Variants in LYPLAL1 observed in about 807,000 individuals in gnomAD.
LYPLAL1 encodes the protein lysophospholipase-like protein 1.
In LYPLAL1, 23 loss-of-function variants were observed where a neutral mutation model predicts 19.7. The observed-to-expected ratio is 1.17, with a 90% CI of 0.84 to 1.65. The LOEUF is 1.65. LYPLAL1 is among the 40% of genes most tolerant of loss of function. The pLI, the probability that LYPLAL1 is intolerant of heterozygous loss-of-function variation, is 0.00. For missense variants in LYPLAL1, 355 were observed against 279.4 expected (o/e 1.27, Z -1.93); for synonymous variants, 119 against 96.3 (o/e 1.24, Z -1.38).
chr1:219,421,169 T>C, the LYPLAL1 span, among the ~76,000 whole-genome samples: 2 of 152,200 alleles, frequency 1.3e-5, no homozygotes, highest in Admixed American at 6.5e-5. Flanking sequence ...AACCTTTTAA[T>C]AATGATTTTG....
chr1:219,419,592 C>CAGAGAGAG, the LYPLAL1 span, among the ~76,000 whole-genome samples: 291 of 62,756 alleles, frequency 4.6e-3, 2 homozygotes, highest in African/African-American at 0.012. Flanking sequence ...CACACACACA[C>CAGAGAGAG]ACAGAGAGAG....
At chr1:219,392,922 A>G in the LYPLAL1 span, among the ~76,000 whole-genome samples, 1 of 152,220 alleles carries the variant, frequency 6.6e-6, no homozygotes, top group Non-Finnish European at 1.5e-5. Flanking sequence ...TGAAAAATAA[A>G]GCTAGTTTTT....
At chr1:219,375,490 TAAAAAAAAA>T in the LYPLAL1 span, among the ~76,000 whole-genome samples, 1 of 37,488 alleles carries the variant, frequency 2.7e-5, no homozygotes, top group African/African-American at 1.0e-4. Flanking sequence ...AAACTCCTTC[TAAAAAAAAA>T]AAAAAAAAAA....
At chr1:219,340,810 T>A in the LYPLAL1 span, among the ~76,000 whole-genome samples, 3 of 152,090 alleles carry the variant, frequency 2.0e-5, no homozygotes, top group African/African-American at 7.2e-5. Flanking sequence ...CTGAAAATTA[T>A]CAGTGAAACG....
intron 3 of LYPLAL1, among the ~76,000 whole-genome samples, chr1:219,200,856 C>A (rs894163243): frequency 2.0e-5 from 3 of 152,224 alleles, no homozygotes; most frequent in African/African-American, 7.2e-5. Context: ...GCTTCTGTCT[C>A]CCCGGAGTTG....
intron 2 of LYPLAL1, among the ~76,000 whole-genome samples, chr1:219,191,618 C>T (rs949359314): frequency 1.3e-5 from 2 of 151,390 alleles, no homozygotes; most frequent in Non-Finnish European, 3.0e-5. Context: ...AGATCATTTA[C>T]ACAGTTTACC....
the LYPLAL1 span, among the ~76,000 whole-genome samples, chr1:219,400,614 C>G: frequency 6.6e-6 from 1 of 151,940 alleles, no homozygotes; most frequent in Non-Finnish European, 1.5e-5. Context: ...TTGTATCTAG[C>G]CTCTCGAGTA....
At chr1:219,304,660 T>G in the LYPLAL1 span, among the ~76,000 whole-genome samples, 1 of 152,344 alleles carries the variant, frequency 6.6e-6, no homozygotes, top group East Asian at 1.9e-4. Context: ...AATTAAGTTC[T>G]AAATTGTGTA....
the LYPLAL1 span, among the ~76,000 whole-genome samples, chr1:219,260,610 C>A: frequency 1.3e-5 from 2 of 148,512 alleles, no homozygotes; most frequent in African/African-American, 4.9e-5. Flanking sequence ...TAAAGAACTT[C>A]ATTATATATA....
At chr1:219,324,276 A>C in the LYPLAL1 span, among the ~76,000 whole-genome samples, 1 of 152,220 alleles carries the variant, frequency 6.6e-6, no homozygotes, top group Non-Finnish European at 1.5e-5. Context: ...TTGGAGGGAT[A>C]AGTGTGACCA....
At chr1:219,442,252 G>A in the LYPLAL1 span, among the ~76,000 whole-genome samples, 8 of 151,812 alleles carry the variant, frequency 5.3e-5, no homozygotes, top group Non-Finnish European at 1.2e-4. Context: ...GTGTTTTCAG[G>A]ATAATATTCT....
At chr1:219,202,377 CTTAG>C (rs1188862698) in intron 3 of LYPLAL1, among the ~76,000 whole-genome samples, 2 of 152,212 alleles carry the variant, frequency 1.3e-5, no homozygotes, top group African/African-American at 2.4e-5. Flanking sequence ...TTACAGGTAG[CTTAG>C]TTGTTTCTTC....
At chr1:219,365,113 G>C in the LYPLAL1 span, among the ~76,000 whole-genome samples, 1 of 152,064 alleles carries the variant, frequency 6.6e-6, no homozygotes, top group African/African-American at 2.4e-5. Context: ...GTATGATGAA[G>C]ATATGTACAA....
At chr1:219,367,979 T>G in the LYPLAL1 span, among the ~76,000 whole-genome samples, 243 of 150,848 alleles carry the variant, frequency 1.6e-3, 1 homozygote, top group East Asian at 0.037. Flanking sequence ...CCTATGTGGA[T>G]TTGCTCTCTC....
At chr1:219,352,378 C>G in the LYPLAL1 span, among the ~76,000 whole-genome samples, 2 of 152,086 alleles carry the variant, frequency 1.3e-5, no homozygotes, top group Admixed American at 6.6e-5. Flanking sequence ...ATTAGCCGGG[C>G]GCGGTGGCGG....
chr1:219,265,262 A>ATCACAT, the LYPLAL1 span, among the ~76,000 whole-genome samples: 4 of 152,204 alleles, frequency 2.6e-5, no homozygotes, highest in Non-Finnish European at 4.4e-5. Flanking sequence ...TGGCAAGCCA[A>ATCACAT]TCACATAAAT....
At chr1:219,318,259 T>C in the LYPLAL1 span, among the ~76,000 whole-genome samples, 1 of 152,118 alleles carries the variant, frequency 6.6e-6, no homozygotes, top group African/African-American at 2.4e-5. Flanking sequence ...CCTTGAGTGT[T>C]CCTCTTTCTC....
At chr1:219,206,194 A>G (rs1658556161) in intron 3 of LYPLAL1, among the ~76,000 whole-genome samples, 1 of 152,082 alleles carries the variant, frequency 6.6e-6, no homozygotes, top group Non-Finnish European at 1.5e-5. Context: ...TTATATAAAG[A>G]GTTCATAAAG....
At chr1:219,292,285 C>T in the LYPLAL1 span, among the ~76,000 whole-genome samples, 1 of 152,164 alleles carries the variant, frequency 6.6e-6, no homozygotes, top group Non-Finnish European at 1.5e-5. Context: ...AGATAGTATG[C>T]CCTGAAGTTC....
Sources: allele counts gnomAD v4.1 joint callset (sites outside exome capture counted in the v4.1 genomes callset), GRCh38; gene constraint gnomAD v4.1.1; transcripts MANE v1.5; gene names NCBI Gene and HGNC (gene_info 2026-07-23, HGNC 2026-07-21).